Variants in NUDCD1 observed in about 807,000 individuals in gnomAD.
NUDCD1 encodes the protein NudC domain containing 1.
Under a neutral mutation model 67.8 loss-of-function variants are expected in NUDCD1, and 60 were observed. The observed-to-expected ratio is 0.88, with a 90% CI of 0.72 to 1.10. The LOEUF (loss-of-function observed/expected upper bound fraction) is 1.10, where lower values mean the gene tolerates loss of function less well. NUDCD1 is among the 50% of genes least tolerant of loss of function. NUDCD1 has a pLI of 0.00. For synonymous variants in NUDCD1, 244 were observed against 230.8 expected (o/e 1.06, Z -0.52); for missense variants, 643 against 695.0 (o/e 0.93, Z 0.84).
chr8:109,243,527 T>G (rs1489627898), intron 9 of NUDCD1, among the ~76,000 whole-genome samples: 1 of 152,178 alleles, frequency 6.6e-6, no homozygotes, highest in Non-Finnish European at 1.5e-5. Context: ...AAAACAGATA[T>G]GGCTTTCTCG....
At chr8:109,333,802 A>C (rs1586321352) in intron 1 of NUDCD1, 91 bp downstream of exon 1, 4 of 1,379,218 alleles carry the variant, frequency 2.9e-6, no homozygotes, top group Admixed American at 2.0e-5. Context: ...TTCGCTTGCC[A>C]GTCAGAAAGA....
intron 7 of NUDCD1, among the ~76,000 whole-genome samples, chr8:109,272,016 A>G (rs1221883289): frequency 1.3e-5 from 2 of 151,760 alleles, no homozygotes; most frequent in African/African-American, 4.8e-5. Flanking sequence ...ATTTATCACC[A>G]GCAAATCTAC....
At chr8:109,315,291 G>C (rs1292500053) in intron 2 of NUDCD1, 1 of 151,856 alleles carries the variant, frequency 6.6e-6, no homozygotes, top group Non-Finnish European at 1.5e-5. Flanking sequence ...CTCCCTTCCT[G>C]TTTCTCCCAA....
At chr8:109,266,035 A>G (rs1813984252) in intron 8 of NUDCD1, among the ~76,000 whole-genome samples, 1 of 151,778 alleles carries the variant, frequency 6.6e-6, no homozygotes, top group Admixed American at 6.6e-5. Context: ...AGTCTATATA[A>G]TTTGATTAAT....
At chr8:109,330,643 G>GT (rs1347737036) in intron 1 of NUDCD1, among the ~76,000 whole-genome samples, 2 of 152,034 alleles carry the variant, frequency 1.3e-5, no homozygotes, top group African/African-American at 4.8e-5. Context: ...TTCAACTCCC[G>GT]TATCTGTTCA....
At chr8:109,320,006 G>A (rs1367042719) in intron 2 of NUDCD1, among the ~76,000 whole-genome samples, 1 of 152,150 alleles carries the variant, frequency 6.6e-6, no homozygotes, top group Non-Finnish European at 1.5e-5. Flanking sequence ...GGGAGGGAGT[G>A]TGCGAATAGG....
chr8:109,243,442 T>TTA, intron 9 of NUDCD1, 141 bp from the exon 10 acceptor site: 1 of 582,838 alleles, frequency 1.7e-6, no homozygotes, highest in Non-Finnish European at 2.8e-6. Flanking sequence ...GGTATATAAT[T>TTA]CTGAATCATT....
chr8:109,330,162 A>G (rs1191407152), intron 1 of NUDCD1, among the ~76,000 whole-genome samples: 1 of 152,240 alleles, frequency 6.6e-6, no homozygotes, highest in Non-Finnish European at 1.5e-5. Flanking sequence ...TGCCGGATCA[A>G]AAGACAATTA....
intron 2 of NUDCD1, among the ~76,000 whole-genome samples, chr8:109,303,135 C>T (rs1311986097): frequency 6.6e-6 from 1 of 152,184 alleles, no homozygotes; most frequent in Non-Finnish European, 1.5e-5. Flanking sequence ...CCTGGGATTC[C>T]TCCTAAGCTG....
intron 2 of NUDCD1, chr8:109,298,682 A>C (rs1814902985): frequency 1.3e-5 from 2 of 152,220 alleles, no homozygotes; most frequent in African/African-American, 4.8e-5. Context: ...ACATAAAAAA[A>C]GCCCTTAAAA....
At chr8:109,268,945 A>T (rs1317615178) in intron 8 of NUDCD1, among the ~76,000 whole-genome samples, 1 of 152,048 alleles carries the variant, frequency 6.6e-6, no homozygotes, top group East Asian at 1.9e-4. Context: ...AGCTCCAATA[A>T]TCTTGGGTTT....
At chr8:109,317,704 C>CA (rs372193272) in intron 2 of NUDCD1, among the ~76,000 whole-genome samples, 162 of 151,860 alleles carry the variant, frequency 1.1e-3, no homozygotes, top group African/African-American at 3.2e-3. Flanking sequence ...GGAATATGTG[C>CA]AAAAAAAACT....
At chr8:109,249,379 G>A (rs969059457) in intron 8 of NUDCD1, among the ~76,000 whole-genome samples, 1 of 152,120 alleles carries the variant, frequency 6.6e-6, no homozygotes, top group Non-Finnish European at 1.5e-5. Context: ...TAATCTTCCC[G>A]TAGCTCACAG....
At chr8:109,287,799 A>C (rs1224506775) in intron 5 of NUDCD1, among the ~76,000 whole-genome samples, 1 of 152,144 alleles carries the variant, frequency 6.6e-6, no homozygotes, top group Non-Finnish European at 1.5e-5. Context: ...AAATTTTAAA[A>C]ATGTATTAAT....
chr8:109,253,336 G>C (rs1813662455), intron 8 of NUDCD1, among the ~76,000 whole-genome samples: 1 of 152,180 alleles, frequency 6.6e-6, no homozygotes, highest in Non-Finnish European at 1.5e-5. Flanking sequence ...AGTATGCTCA[G>C]CAGAAGCAAA....
At position 109,280,991 on chromosome 8, in the gene NUDCD1, T is replaced by C. The variant is rs1814422984; in HGVS notation, c.1005A>G (p.Thr335=). The C allele has an allele frequency of 1.9e-6, 3 of 1,591,372 alleles. No individual in the cohort carries two copies. The highest frequency in any genetic ancestry group is 2.6e-6 in the Non-Finnish European group (3 of 1,160,332). The part of the protein sequence containing the change: ...LYSSIDHESS[T]WIIKESNSLE... ...ACCTATTACTCTCTTTAATTATCCA[T>C]GTACTGCTTTCATGATCAATAGATG... Residue 335 remains threonine (T), a synonymous_variant, in exon 6 of 10, where the codon ACA becomes ACG. Transcript: ENST00000239690.
At chr8:109,310,767 AC>A (rs1425757278) in intron 2 of NUDCD1, among the ~76,000 whole-genome samples, 1 of 151,984 alleles carries the variant, frequency 6.6e-6, no homozygotes, top group Non-Finnish European at 1.5e-5. Context: ...AGGAAAAAAA[AC>A]AATCCCATCA....
chr8:109,326,155 T>C (rs1815677628), intron 1 of NUDCD1, among the ~76,000 whole-genome samples: 1 of 152,212 alleles, frequency 6.6e-6, no homozygotes, highest in Non-Finnish European at 1.5e-5. Context: ...TGGGCAATCC[T>C]GAACAAACTG....
chr8:109,263,102 C>A (rs2926200), intron 8 of NUDCD1, among the ~76,000 whole-genome samples: 1 of 135,704 alleles, frequency 7.4e-6, no homozygotes, highest in African/African-American at 2.7e-5. Context: ...TCTTTGTTCT[C>A]TAGAACGCAC....
Sources: gnomAD v4.1 joint callset for allele counts (sites outside exome capture counted in the v4.1 genomes callset) on GRCh38, gnomAD v4.1.1 for gene constraint, MANE v1.5 for transcripts, NCBI Gene and HGNC (gene_info 2026-07-23, HGNC 2026-07-21) for gene names.